Variants in AIG1 observed in about 807,000 individuals in gnomAD.
The protein encoded by AIG1 is androgen induced 1.
AIG1 carries 23 observed loss-of-function variants against 31.4 expected under a neutral mutation model. The ratio of observed to expected loss-of-function variants is 0.73; its 90% CI spans 0.53 to 1.04. The LOEUF (loss-of-function observed/expected upper bound fraction) is 1.04. Ranked by LOEUF, AIG1 falls within the 50% of genes least tolerant of loss-of-function variation. The pLI, the probability that AIG1 is intolerant of heterozygous loss-of-function variation, is 0.00. For synonymous variants in AIG1, 100 were observed against 110.5 expected (o/e 0.90, Z 0.60); for missense variants, 274 against 295.0 (o/e 0.93, Z 0.52).
chr6:143,233,122 C>T (rs530964552), intron 3 of AIG1, among the ~76,000 whole-genome samples: 83 of 152,072 alleles, frequency 5.5e-4, no homozygotes, highest in Non-Finnish European at 1.0e-3. Context: ...GGGATCTGCC[C>T]CCACTCCAGG....
chr6:143,230,868 A>C (rs987819328), intron 3 of AIG1, among the ~76,000 whole-genome samples: 2 of 152,188 alleles, frequency 1.3e-5, no homozygotes, highest in Admixed American at 6.5e-5. Flanking sequence ...CCAGTTTTAC[A>C]CCTTGCCCCT....
intron 1 of AIG1, among the ~76,000 whole-genome samples, chr6:143,095,328 TA>T (rs1350114421): frequency 3.9e-5 from 6 of 152,126 alleles, no homozygotes; most frequent in African/African-American, 7.2e-5. Context: ...CAAAAAAAAT[TA>T]AAAGACTACT....
At chr6:143,267,024 G>T (rs1006940099) in intron 3 of AIG1, among the ~76,000 whole-genome samples, 1 of 152,206 alleles carries the variant, frequency 6.6e-6, no homozygotes, top group African/African-American at 2.4e-5. Context: ...AAGCGACCCA[G>T]TCCTTGTCAA....
chr6:143,104,860 C>T (rs1264351087), intron 1 of AIG1, among the ~76,000 whole-genome samples: 1 of 151,632 alleles, frequency 6.6e-6, no homozygotes, highest in East Asian at 1.9e-4. Flanking sequence ...GATGCTGCCA[C>T]TGCACTCCAG....
chr6:143,273,973 C>G (rs1360443997), intron 3 of AIG1, among the ~76,000 whole-genome samples: 1 of 152,228 alleles, frequency 6.6e-6, no homozygotes, highest in Non-Finnish European at 1.5e-5. Context: ...GAGAATGCCT[C>G]TCCATGACAA....
chr6:143,304,678 T>TA, intron 4 of AIG1, among the ~76,000 whole-genome samples: 1 of 151,340 alleles, frequency 6.6e-6, no homozygotes, highest in East Asian at 2.0e-4. Flanking sequence ...GATATTGATC[T>TA]AAAATTCTCT....
chr6:143,082,138 TAGTC>T (rs1778319582), intron 1 of AIG1, among the ~76,000 whole-genome samples: 1 of 152,204 alleles, frequency 6.6e-6, no homozygotes, highest in South Asian at 2.1e-4. Context: ...TAAGCATACT[TAGTC>T]TGTATATATT....
Position 143,333,296 on chromosome 6 carries a change from A to G in AIG1, c.530A>G (p.His177Arg). 2 of 1,612,082 alleles carry G rather than the reference A, an allele frequency of 1.2e-6. No individual in the cohort carries two copies. The highest frequency in any genetic ancestry group is 1.7e-6 in the Non-Finnish European group (2 of 1,179,278). The change falls in exon 5 of 6, where the codon CAT (histidine) becomes CGT (arginine). Residue 177 changes from histidine to arginine, a missense_variant. His to Arg is a conservative substitution (Grantham distance 29). This residue lies in a region of AIG1 where 243 missense variants were observed against 238.5 expected (regional missense o/e 1.02). Transcript: ENST00000357847. The surrounding 1 kb of genome is among the most constrained non-coding windows in gnomAD (Gnocchi z 4.6). Reference sequence around the variant, plus strand: ...TTCTTTTGCAGGGTGTGCTGGGTGCATCATGTAACTGGCATGTGGGTGTAC... The same window carrying G: ...TTCTTTTGCAGGGTGTGCTGGGTGCGTCATGTAACTGGCATGTGGGTGTAC... ...VGYILWVCWVHHVTGMWVYPF... is the reference protein window; with the variant it reads ...VGYILWVCWVRHVTGMWVYPF...
chr6:143,295,287 C>G (rs1487043997), intron 4 of AIG1, among the ~76,000 whole-genome samples: 1 of 152,204 alleles, frequency 6.6e-6, no homozygotes, highest in African/African-American at 2.4e-5. Context: ...TCCTCTCAAC[C>G]ACTGCTAGAA....
chr6:143,066,926 G>A (rs917761082), intron 1 of AIG1, among the ~76,000 whole-genome samples: 2 of 152,272 alleles, frequency 1.3e-5, no homozygotes, highest in South Asian at 4.1e-4. Context: ...TCCCAGCACT[G>A]TGGGAGGCCA....
intron 3 of AIG1, among the ~76,000 whole-genome samples, chr6:143,227,997 T>A (rs1169483459): frequency 6.6e-6 from 1 of 152,200 alleles, no homozygotes; most frequent in East Asian, 1.9e-4. Context: ...TGTAGTGAGT[T>A]CAAACACTTT....
rs762393675 is a variant in AIG1 at position 143,143,554 on chromosome 6, T to TATATATATAC, written c.297+6565_297+6566insTATATATACA. Among the ~76,000 whole-genome samples the TATATATATAC allele has an allele frequency of 6.7e-5, 7 of 103,986 alleles. No homozygotes were observed. The East Asian group carries it at 1.7e-3, about 25-fold the overall frequency. The allele number at this position is 103,986 out of a possible 152,430, so 68.2% of individuals were successfully genotyped here. A position where few individuals can be genotyped will look rare whatever the true frequency, so the allele number is the denominator to read the frequency against. The stretch of plus-strand genomic sequence containing the variant: ...ATATATATATATATATATATATATA[T>TATATATATAC]ACACACACACTTAATATCTTCTGAT... On this transcript the variant is annotated intron_variant, in intron 2 of 5. Coordinates refer to ENST00000357847, the MANE Select transcript of AIG1 (RefSeq NM_016108.4).
At chr6:143,336,866 A>G (rs887006911) in intron 5 of AIG1, among the ~76,000 whole-genome samples, 35 of 152,192 alleles carry the variant, frequency 2.3e-4, no homozygotes, top group Non-Finnish European at 4.6e-4. Flanking sequence ...TCCAAAACAG[A>G]ATGGTGGGAC....
chr6:143,109,620 C>G (rs1781098085), intron 1 of AIG1, among the ~76,000 whole-genome samples: 1 of 151,940 alleles, frequency 6.6e-6, no homozygotes, highest in South Asian at 2.1e-4. Context: ...ATTTGGATTT[C>G]TCTGATCACT....
rs74509070 is a variant in AIG1 at position 143,254,125 on chromosome 6, C to T, written c.400-29985C>T. Among the ~76,000 whole-genome samples the T allele has an allele frequency of 7.4e-3, 1,128 of 152,150 alleles. 14 individuals carry two copies. Among genetic ancestry groups the T allele is most frequent in the African/African-American group, 0.026 (1,081 of 41,486 alleles). On this transcript the variant is annotated intron_variant, in intron 3 of 5. Coordinates refer to ENST00000357847, the MANE Select transcript of AIG1 (RefSeq NM_016108.4). ...TGCCTTTTGTGGGTCTGTTGGAGTA[C>T]ACAGCAATAAACAAAAATAATAATA...
At chr6:143,073,785 G>T (rs995371511) in intron 1 of AIG1, among the ~76,000 whole-genome samples, 2 of 152,202 alleles carry the variant, frequency 1.3e-5, no homozygotes, top group Non-Finnish European at 2.9e-5. Flanking sequence ...GCAAAAGCAG[G>T]AGTGAGAGAA....
At position 143,325,332 on chromosome 6, in the gene AIG1, G is replaced by A. The variant is rs138832783; in HGVS notation, c.516-7950G>A. 2.8e-3 allele frequency among the ~76,000 whole-genome samples: 430 copies of A among 151,806 alleles called. 3 individuals are homozygous for A. The highest frequency in any genetic ancestry group is 0.01 in the African/African-American group (412 of 41,112). On this transcript the variant is annotated intron_variant, in intron 4 of 5. Transcript: ENST00000357847. This position sits in a 1 kb window ranked among gnomAD's most constrained non-coding sequence, Gnocchi z 4.3. ...TTCCTTCAGACCCTGTACTCTTCCT[G>A]GGTCTCAGTCTGTCCTGATAGTTTC... is the stretch of plus-strand genomic sequence containing the variant.
chr6:143,171,538 T>A (rs1339569129), intron 3 of AIG1, among the ~76,000 whole-genome samples: 4 of 132,010 alleles, frequency 3.0e-5, no homozygotes, highest in Non-Finnish European at 6.2e-5. Context: ...AATATATATA[T>A]TATATATATA....
chr6:143,081,795 G>C (rs201191981), intron 1 of AIG1, among the ~76,000 whole-genome samples: 3 of 152,126 alleles, frequency 2.0e-5, no homozygotes, highest in Non-Finnish European at 4.4e-5. Flanking sequence ...CTATGTCCTC[G>C]TGAGTTTCCC....
Sources: allele counts gnomAD v4.1 joint callset (sites outside exome capture counted in the v4.1 genomes callset), GRCh38; gene constraint gnomAD v4.1.1; regional missense constraint gnomAD v4.1.1; non-coding constraint Gnocchi (gnomAD v3.1); transcripts MANE v1.5; gene names NCBI Gene and HGNC (gene_info 2026-07-23, HGNC 2026-07-21).